The following MACROD2 variants were observed in gnomAD, a reference collection of about 807,000 sequenced individuals.
The protein encoded by MACROD2 is mono-ADP ribosylhydrolase 2.
Under a neutral mutation model 70.4 loss-of-function variants are expected in MACROD2, and 36 were observed. That is an observed-to-expected ratio of 0.51 (90% CI 0.39 to 0.68). The LOEUF is 0.68. MACROD2 is among the 30% of genes least tolerant of loss of function. The pLI is 0.00. For synonymous variants in MACROD2, 172 were observed against 178.8 expected, an observed-to-expected ratio of 0.96 and a Z score of 0.30; for missense variants, 496 against 538.4, an observed-to-expected ratio of 0.92 and a Z score of 0.78.
intron 5 of MACROD2, among the ~76,000 whole-genome samples, chr20:14,697,204 C>T (rs570135825): frequency 1.9e-4 from 29 of 152,258 alleles, no homozygotes; most frequent in African/African-American, 6.7e-4. Context: ...GGGCTTTCCT[C>T]CATATGTCCG....
At chr20:15,103,217 C>A (rs1268133778) in intron 5 of MACROD2, among the ~76,000 whole-genome samples, 2 of 152,058 alleles carry the variant, frequency 1.3e-5, no homozygotes, top group Admixed American at 6.6e-5. Flanking sequence ...TATCAAAGAC[C>A]CAAGTTTCTT....
intron 5 of MACROD2, among the ~76,000 whole-genome samples, chr20:14,955,659 A>T (rs967176195): frequency 6.6e-6 from 1 of 151,864 alleles, no homozygotes; most frequent in African/African-American, 2.4e-5. Context: ...TTTTAAGTTT[A>T]TTGCTTTTTG....
chr20:15,403,171 T>C (rs1235688119), intron 6 of MACROD2, among the ~76,000 whole-genome samples: 3 of 152,158 alleles, frequency 2.0e-5, no homozygotes, highest in African/African-American at 7.2e-5. Context: ...TTTCACTATG[T>C]TGGCCAGGCT....
chr20:14,189,072 C>CT (rs1386409620), intron 3 of MACROD2, among the ~76,000 whole-genome samples: 1 of 152,008 alleles, frequency 6.6e-6, no homozygotes, highest in African/African-American at 2.4e-5. Context: ...TTAACTAATG[C>CT]TTACATGTGC....
chr20:15,188,890 C>T (rs1402233325), intron 5 of MACROD2, among the ~76,000 whole-genome samples: 1 of 152,126 alleles, frequency 6.6e-6, no homozygotes, highest in Non-Finnish European at 1.5e-5. Flanking sequence ...TATAACTCAG[C>T]TAAAGTTACA....
chr20:14,203,005 T>C (rs2081492400), intron 3 of MACROD2, among the ~76,000 whole-genome samples: 1 of 151,876 alleles, frequency 6.6e-6, no homozygotes, highest in South Asian at 2.1e-4. Flanking sequence ...TGAGATCGTG[T>C]CATTGCACTC....
intron 3 of MACROD2, among the ~76,000 whole-genome samples, chr20:14,298,501 G>A (rs2082446465): frequency 1.3e-5 from 2 of 151,314 alleles, no homozygotes; most frequent in Non-Finnish European, 2.9e-5. Flanking sequence ...CCGGGAGGCG[G>A]AGGTTGCAGT....
intron 5 of MACROD2, among the ~76,000 whole-genome samples, chr20:14,866,896 A>C (rs956066442): frequency 2.6e-5 from 4 of 152,148 alleles, no homozygotes; most frequent in Non-Finnish European, 5.9e-5. Context: ...AAGAAGAATA[A>C]ATCTGAAAAG....
intron 5 of MACROD2, among the ~76,000 whole-genome samples, chr20:14,734,578 C>T (rs1238348905): frequency 6.7e-6 from 1 of 148,682 alleles, no homozygotes; most frequent in African/African-American, 2.5e-5. Context: ...CAGGAAGGTA[C>T]TAACAACTAC....
chr20:14,155,409 A>G (rs935884356), intron 3 of MACROD2, among the ~76,000 whole-genome samples: 2 of 152,208 alleles, frequency 1.3e-5, no homozygotes, highest in East Asian at 3.8e-4. Context: ...ATGTTGTTAT[A>G]AATACCTTCC....
At chr20:14,718,164 G>A (rs563718194) in intron 5 of MACROD2, among the ~76,000 whole-genome samples, 8 of 151,526 alleles carry the variant, frequency 5.3e-5, no homozygotes, top group South Asian at 4.2e-4. Context: ...GTGGTGGCAC[G>A]TGCCTGTAAT....
chr20:15,423,864 T>C (rs551119821), intron 6 of MACROD2, among the ~76,000 whole-genome samples: 4 of 152,190 alleles, frequency 2.6e-5, no homozygotes, highest in Admixed American at 2.0e-4. Flanking sequence ...CTATAGACTG[T>C]GATTTAAACA....
At chr20:15,742,247 C>A (rs1042627693) in intron 8 of MACROD2, among the ~76,000 whole-genome samples, 3 of 152,130 alleles carry the variant, frequency 2.0e-5, no homozygotes, top group Admixed American at 1.3e-4. Flanking sequence ...TCTGACTCAT[C>A]TTAAAAAGCC....
chr20:14,317,108 T>A (rs2082618247), intron 3 of MACROD2, among the ~76,000 whole-genome samples: 1 of 152,162 alleles, frequency 6.6e-6, no homozygotes, highest in African/African-American at 2.4e-5. Flanking sequence ...TAAGCTGATT[T>A]CCTATTTGCA....
intron 6 of MACROD2, among the ~76,000 whole-genome samples, chr20:15,245,608 A>G (rs2077098950): frequency 6.6e-6 from 1 of 152,166 alleles, no homozygotes; most frequent in Non-Finnish European, 1.5e-5. Context: ...TTCAATGGAA[A>G]CTGTACTTCA....
intron 8 of MACROD2, among the ~76,000 whole-genome samples, chr20:15,550,588 A>G (rs1759417006): frequency 6.6e-6 from 1 of 152,132 alleles, no homozygotes; most frequent in Admixed American, 6.5e-5. Flanking sequence ...TTTATGAGCA[A>G]TCAAGAAGTG....
chr20:14,467,952 T>G (rs1263145969), intron 3 of MACROD2, among the ~76,000 whole-genome samples: 1 of 152,306 alleles, frequency 6.6e-6, no homozygotes, highest in Non-Finnish European at 1.5e-5. Context: ...AGTTCTAATT[T>G]GATTGCACTG....
chr20:15,503,018 C>G (rs1180675970), intron 8 of MACROD2, among the ~76,000 whole-genome samples: 1 of 152,036 alleles, frequency 6.6e-6, no homozygotes, highest in East Asian at 1.9e-4. Flanking sequence ...AAAAAGGCAC[C>G]CAGGGACTAA....
chr20:14,335,935 G>C (rs575423883), intron 3 of MACROD2, among the ~76,000 whole-genome samples: 1 of 152,120 alleles, frequency 6.6e-6, no homozygotes, highest in East Asian at 1.9e-4. Flanking sequence ...GTAAAACCTG[G>C]CATATTATCA....
Sources: gnomAD v4.1 joint callset for allele counts (sites outside exome capture counted in the v4.1 genomes callset) on GRCh38, gnomAD v4.1.1 for gene constraint, MANE v1.5 for transcripts, NCBI Gene and HGNC (gene_info 2026-07-23, HGNC 2026-07-21) for gene names.